Variants in INSL6 observed in about 807,000 individuals in gnomAD.
INSL6 encodes insulin-like peptide INSL6.
A neutral mutation model predicts 9.4 loss-of-function variants in INSL6; 16 were observed. The observed-to-expected ratio is 1.70, with a 90% CI of 1.15 to 2.59. INSL6 has a LOEUF of 2.59. Among genes scored for constraint, INSL6 ranks in the 30% most tolerant of loss-of-function variants. The pLI is 0.00. For synonymous variants in INSL6, 154 were observed against 96.9 expected (o/e 1.59, Z -3.46); for missense variants, 391 against 257.3 (o/e 1.52, Z -3.56).
At chr9:5,100,690 T>A in the INSL6 span, 1 of 152,242 alleles carries the variant, frequency 6.6e-6, no homozygotes, top group African/African-American at 2.4e-5. Context: ...CACAGCCTGA[T>A]AGAAGGAAAT....
intron 3 of INSL6, among the ~76,000 whole-genome samples, chr9:5,131,172 T>C (rs1180097328): frequency 6.6e-6 from 1 of 152,130 alleles, no homozygotes; most frequent in Non-Finnish European, 1.5e-5. Context: ...ATAATGAAAA[T>C]ACTTAGTGGA....
chr9:5,136,775 A>T (rs1179253449), intron 2 of INSL6, among the ~76,000 whole-genome samples: 2 of 152,214 alleles, frequency 1.3e-5, no homozygotes. Context: ...GGCCAGGGCA[A>T]TCAGGCAAGA....
chr9:5,103,400 G>A, the INSL6 span, among the ~76,000 whole-genome samples: 2 of 151,966 alleles, frequency 1.3e-5, no homozygotes, highest in Middle Eastern at 3.4e-3. Flanking sequence ...ACCCAATACA[G>A]CAGCACCAAG....
intron 1 of INSL6, 27 bp from the exon 2 acceptor site, chr9:5,164,292 T>G: frequency 1.4e-6 from 2 of 1,417,308 alleles, no homozygotes; most frequent in Non-Finnish European, 2.0e-6. Context: ...AAATAAATGC[T>G]CCTTTATTAA....
downstream of INSL6, among the ~76,000 whole-genome samples, chr9:5,163,143 AC>A (rs1824962484): frequency 6.6e-6 from 1 of 152,110 alleles, no homozygotes; most frequent in African/African-American, 2.4e-5. Context: ...CAGATTGCTG[AC>A]CCCCATACCT....
the INSL6 span, among the ~76,000 whole-genome samples, chr9:5,004,847 A>T: frequency 6.6e-6 from 1 of 151,172 alleles, no homozygotes; most frequent in African/African-American, 2.4e-5. Context: ...GTGAGATCTC[A>T]CTATGGTTTT....
At chr9:5,111,156 T>G in the INSL6 span, 1 of 834,898 alleles carries the variant, frequency 1.2e-6, no homozygotes, top group South Asian at 1.4e-5. Context: ...CTCAACTTGC[T>G]GAGTCGCACG....
At chr9:5,130,543 C>G (rs1248494380) in intron 3 of INSL6, among the ~76,000 whole-genome samples, 2 of 151,876 alleles carry the variant, frequency 1.3e-5, no homozygotes, top group South Asian at 4.2e-4. Context: ...AAATCTGTTA[C>G]CAGTTATTTA....
the INSL6 span, among the ~76,000 whole-genome samples, chr9:5,073,289 G>T: frequency 3.9e-5 from 6 of 152,070 alleles, no homozygotes; most frequent in Non-Finnish European, 8.8e-5. Flanking sequence ...CACAGATGTC[G>T]TGATATTTTA....
the INSL6 span, chr9:5,112,393 GGGA>G: frequency 3.2e-5 from 14 of 439,144 alleles, no homozygotes; most frequent in East Asian, 1.4e-4. Flanking sequence ...GAAATCAAGC[GGGA>G]GGAGGAGGAT....
At chr9:5,081,550 C>T in the INSL6 span, among the ~76,000 whole-genome samples, 4 of 152,130 alleles carry the variant, frequency 2.6e-5, no homozygotes, top group Admixed American at 2.0e-4. Context: ...GAAGGCCTGT[C>T]AGATTATGGG....
chr9:5,146,200 T>G (rs545417476), intron 2 of INSL6, among the ~76,000 whole-genome samples: 47 of 152,308 alleles, frequency 3.1e-4, no homozygotes, highest in Middle Eastern at 3.4e-3. Context: ...GCCTTGTTTC[T>G]TGAAGATTTT....
At chr9:5,085,861 T>C in the INSL6 span, 4 of 778,916 alleles carry the variant, frequency 5.1e-6, no homozygotes, top group Non-Finnish European at 9.5e-6. Context: ...TACTCAGAGA[T>C]TTCCTTAAGT....
intron 2 of INSL6, among the ~76,000 whole-genome samples, chr9:5,138,767 T>C (rs145107268): frequency 6.6e-6 from 1 of 152,184 alleles, no homozygotes; most frequent in Non-Finnish European, 1.5e-5. Context: ...CCCACTGATT[T>C]AATATCTAAA....
the INSL6 span, among the ~76,000 whole-genome samples, chr9:5,039,092 G>C: frequency 6.6e-6 from 1 of 152,026 alleles, no homozygotes; most frequent in East Asian, 1.9e-4. Flanking sequence ...CCTATGATCA[G>C]GAATGAGATG....
chr9:5,156,881 T>C (rs1451392886), intron 2 of INSL6, among the ~76,000 whole-genome samples: 1 of 152,048 alleles, frequency 6.6e-6, no homozygotes, highest in Non-Finnish European at 1.5e-5. Context: ...ATTTTTAAAA[T>C]ACCATTTACA....
the INSL6 span, chr9:5,022,273 C>T: frequency 8.9e-7 from 1 of 1,125,640 alleles, no homozygotes; most frequent in Non-Finnish European, 1.3e-6. Flanking sequence ...TTATGCTATG[C>T]TAATACTAGG....
the INSL6 span, among the ~76,000 whole-genome samples, chr9:5,016,127 G>A: frequency 4.6e-5 from 7 of 152,188 alleles, no homozygotes; most frequent in Non-Finnish European, 1.0e-4. Context: ...ACTATTGGAA[G>A]GGGAACCTCC....
At chr9:5,028,267 G>A in the INSL6 span, among the ~76,000 whole-genome samples, 1 of 152,170 alleles carries the variant, frequency 6.6e-6, no homozygotes, top group Non-Finnish European at 1.5e-5. Flanking sequence ...GTGACCAGGT[G>A]CATTGTCAAT....
Sources: allele counts gnomAD v4.1 joint callset (sites outside exome capture counted in the v4.1 genomes callset), GRCh38; gene constraint gnomAD v4.1.1; transcripts MANE v1.5; gene names NCBI Gene and HGNC (gene_info 2026-07-23, HGNC 2026-07-21).